The following ABCD4 variants were observed in gnomAD, a reference collection of about 807,000 sequenced individuals.
ABCD4 encodes the protein ATP binding cassette subfamily D member 4.
ABCD4 carries 53 observed loss-of-function variants against 86.3 expected under a neutral mutation model. The ratio of observed to expected loss-of-function variants is 0.61; its 90% CI spans 0.49 to 0.77. ABCD4 has a LOEUF of 0.77. Ranked by LOEUF, ABCD4 falls within the 30% of genes least tolerant of loss-of-function variation. The pLI is 0.00. For synonymous variants in ABCD4, 328 were observed against 313.6 expected (o/e 1.05, Z -0.49); for missense variants, 757 against 764.5 (o/e 0.99, Z 0.12).
intron 7 of ABCD4, chr14:74,293,629 G>A: frequency 6.0e-6 from 1 of 166,484 alleles, no homozygotes; most frequent in East Asian, 1.7e-4. Context: ...AAGCACATAA[G>A]GAGCCCTCAA....
At chr14:74,292,977 T>C (rs1489966482) in intron 8 of ABCD4, 108 bp from the exon 9 acceptor site, 8 of 1,542,974 alleles carry the variant, frequency 5.2e-6, no homozygotes, top group Non-Finnish European at 7.1e-6. Flanking sequence ...GTGGACTCTC[T>C]GGATCCTCAT....
In ABCD4 at chr14:74,292,659, G is replaced by A. The variant is rs555670345; in HGVS notation, c.937-17C>T. ...AAAGGCATTCTGGACAGGATGGGAA[G>A]AGGTCAAGCAGGTCTCGACTCGAGC... On this transcript the variant is annotated splice_polypyrimidine_tract_variant and intron_variant, in intron 9 of 18. Transcript: ENST00000356924. 220 of 1,614,068 alleles carry A rather than the reference G, an allele frequency of 1.4e-4. 4 individuals are homozygous for A. The South Asian group carries it at 2.3e-3, about 17-fold the overall frequency.
rs552850722 is a variant in ABCD4, at chr14:74,295,348, T to C, written c.669-150A>G. The C allele has an allele frequency of 3.7e-5, 32 of 863,932 alleles. No individual in the cohort carries two copies. In the African/African-American group the frequency reaches 4.7e-4, roughly 13 times the overall value. 53.5% of individuals were successfully genotyped at this position (863,932 alleles called of 1,614,324 possible). On this transcript the variant is annotated intron_variant, in intron 6 of 18. Coordinates refer to ENST00000356924, the MANE Select transcript of ABCD4 (RefSeq NM_005050.4). ...AGTCTGACCCTTTCCTGGACTGTTA[T>C]GGGGTAGAAAACCCCAGGGCTAGGT...
intron 7 of ABCD4, chr14:74,294,485 TCCCAGGGCTATCACATCCA>T (rs2082339380): frequency 6.6e-6 from 1 of 152,306 alleles, no homozygotes; most frequent in African/African-American, 2.4e-5. Flanking sequence ...GGAGCAAAGG[TCCCAGGGCTATCACATCCA>T]CCCCAAGTAC....
intron 1 of ABCD4, among the ~76,000 whole-genome samples, chr14:74,300,732 T>C (rs899427892): frequency 6.6e-5 from 10 of 152,112 alleles, no homozygotes; most frequent in East Asian, 1.9e-4. Flanking sequence ...TAAAAACCTA[T>C]ACAGGGGAAA....
chr14:74,290,126 G>T lies in ABCD4; in HGVS notation c.1328-8C>A, dbSNP rs1376160190. On this transcript the variant is annotated splice_polypyrimidine_tract_variant and splice_region_variant and intron_variant, in intron 12 of 18. Transcript: ENST00000356924. ...TCAGCATCTGCACTGAGCCTGCAGA[G>T]CCCACAGAAACCTCCATTGTGAGAT... is the stretch of plus-strand genomic sequence containing the variant. 2 of 1,614,090 alleles carry T rather than the reference G, an allele frequency of 1.2e-6. No homozygotes were observed. The highest frequency in any genetic ancestry group is 1.7e-6 in the Non-Finnish European group (2 of 1,179,970).
chr14:74,286,641 G>T, intron 18 of ABCD4, 60 bp downstream of exon 18: 1 of 1,612,960 alleles, frequency 6.2e-7, no homozygotes, highest in Middle Eastern at 1.7e-4. Flanking sequence ...CTCTGGCCCT[G>T]GCCAGGCTGA....
intron 2 of ABCD4, 82 bp downstream of exon 2, chr14:74,300,068 A>C: frequency 2.2e-6 from 1 of 460,686 alleles, no homozygotes; most frequent in Non-Finnish European, 3.4e-6. Context: ...TGTCTCAAAA[A>C]AAAAAAAAAA....
At chr14:74,287,605 T>C (rs1197973185) in intron 17 of ABCD4, among the ~76,000 whole-genome samples, 2 of 150,636 alleles carry the variant, frequency 1.3e-5, no homozygotes, top group Non-Finnish European at 2.9e-5. Flanking sequence ...AAAGCAAGCT[T>C]ATGAGCTGGC....
intron 1 of ABCD4, among the ~76,000 whole-genome samples, chr14:74,302,333 T>C (rs532301571): frequency 6.6e-6 from 1 of 152,024 alleles, no homozygotes; most frequent in African/African-American, 2.4e-5. Flanking sequence ...AGGAAAAAGG[T>C]TTAAAGAAAA....
In ABCD4 at chr14:74,287,821, G is replaced by C; in HGVS notation, c.1625C>G (p.Pro542Arg). Residue 542 changes from proline to arginine, a missense_variant, in exon 17 of 19, where the codon CCG becomes CGG. Pro to Arg is a moderately radical substitution (Grantham distance 103). Transcript: ENST00000356924. ...AGGCGAGACCTCACCTGCGTACTTCGGCTGCAGGTAGAAGAGTCGGGCAAA... is the reference window on the plus strand; with the variant it reads ...AGGCGAGACCTCACCTGCGTACTTCCGCTGCAGGTAGAAGAGTCGGGCAAA... ...LSFARLFYLQ[P>R]KYAVLDEATS... 6.2e-7 allele frequency: 1 copy of C among 1,612,172 alleles called. No individual in the cohort carries two copies. Among genetic ancestry groups the C allele is most frequent in the Non-Finnish European group, 8.5e-7 (1 of 1,179,142 alleles).
chr14:74,295,257 T>G (rs571406936), intron 6 of ABCD4, 59 bp from the exon 7 acceptor site: 1 of 1,597,338 alleles, frequency 6.3e-7, no homozygotes, highest in Non-Finnish European at 8.6e-7. Context: ...TCACTCTTGT[T>G]GGAGTCCTGG....
At chr14:74,293,278 G>A (rs1264880770) in intron 7 of ABCD4, 30 bp from the exon 8 acceptor site, 1 of 1,609,208 alleles carries the variant, frequency 6.2e-7, no homozygotes. Flanking sequence ...ATGTCCACAG[G>A]GCTGGAGAGG....
rs35073715 is a variant in ABCD4 at position 74,292,356 on chromosome 14, G to A, written c.1049C>T (p.Thr350Met). The change falls in exon 11 of 19, where the codon ACG becomes ATG. Residue 350 changes from threonine to methionine, a missense_variant. By Grantham distance (81) the Thr-to-Met change is moderately conservative. Coordinates refer to ENST00000356924, the MANE Select transcript of ABCD4 (RefSeq NM_005050.4). Reference protein sequence around the residue: ...YTHRIGQLRETLLDMSLKSQD... With the variant: ...YTHRIGQLREMLLDMSLKSQD... ...TGACTTCAGGGACATGTCCAGAAGC[G>A]TCTCCCGAAGCTGCCCAATTCTGAA... 74 of 1,613,976 alleles carry A rather than the reference G, an allele frequency of 4.6e-5. 1 individual carries two copies. The Middle Eastern group carries it at 8.2e-4, about 18-fold the overall frequency.
At position 74,288,187 on chromosome 14, in the gene ABCD4, C is replaced by A; in HGVS notation, c.1559+20G>T. ...CTTTATGGTGGGGCTATCTCTGGAGCACCCAAGCTCTTTTCTTACCAGTTC... is the reference window on the plus strand; with the variant it reads ...CTTTATGGTGGGGCTATCTCTGGAGAACCCAAGCTCTTTTCTTACCAGTTC... On this transcript the variant is annotated intron_variant, in intron 16 of 18. Coordinates refer to ENST00000356924, the MANE Select transcript of ABCD4 (RefSeq NM_005050.4). The A allele has an allele frequency of 1.2e-6, 2 of 1,611,712 alleles. No homozygotes were observed. The highest frequency in any genetic ancestry group is 8.5e-7 in the Non-Finnish European group (1 of 1,178,926).
At chr14:74,299,790 G>C (rs1484776509) in intron 2 of ABCD4, 115 bp from the exon 3 acceptor site, 1 of 1,054,860 alleles carries the variant, frequency 9.5e-7, no homozygotes, top group East Asian at 2.7e-5. Flanking sequence ...GGCCGGGCGC[G>C]GTGGCTCACG....
rs376867854 is a variant in ABCD4, at chr14:74,290,528, G to C, written c.1119-29C>G. 8.2e-4 allele frequency: 1,301 copies of C among 1,589,570 alleles called. 1 individual carries two copies. The highest frequency in any genetic ancestry group is 9.3e-4 in the Non-Finnish European group (1,084 of 1,165,266). On this transcript the variant is annotated intron_variant, in intron 11 of 18. Coordinates refer to ENST00000356924, the MANE Select transcript of ABCD4 (RefSeq NM_005050.4). The stretch of plus-strand genomic sequence containing the variant: ...TGTCAGAGAAGAGAGGGGGCGTGAG[G>C]AAGATGGGCAGGGTCAGTATTGCTG...
intron 16 of ABCD4, 36 bp from the exon 17 acceptor site, chr14:74,287,922 G>A: frequency 6.4e-7 from 1 of 1,567,460 alleles, no homozygotes; most frequent in Non-Finnish European, 8.7e-7. Flanking sequence ...GCTAGAGGAG[G>A]AAGAATATAG....
chr14:74,289,977 G>C (rs1200808659), intron 13 of ABCD4, 50 bp downstream of exon 13: 1 of 1,612,658 alleles, frequency 6.2e-7, no homozygotes, highest in Non-Finnish European at 8.5e-7. Flanking sequence ...TCCCAGCTGT[G>C]GGTGGGCGGG....
Sources: allele counts gnomAD v4.1 joint callset (sites outside exome capture counted in the v4.1 genomes callset), GRCh38; gene constraint gnomAD v4.1.1; transcripts MANE v1.5; gene names NCBI Gene and HGNC (gene_info 2026-07-23, HGNC 2026-07-21).